The following ASRGL1 variants were observed in gnomAD, a reference collection of about 807,000 sequenced individuals.
ASRGL1 encodes the protein asparaginase and isoaspartyl peptidase 1.
A neutral mutation model predicts 22.4 loss-of-function variants in ASRGL1; 16 were observed. The observed-to-expected ratio is 0.71, with a 90% CI of 0.48 to 1.08. The LOEUF (loss-of-function observed/expected upper bound fraction) is 1.08. ASRGL1 is among the 50% of genes least tolerant of loss of function. The pLI, the probability that ASRGL1 is intolerant of heterozygous loss-of-function variation, is 0.00. For synonymous variants in ASRGL1, 165 were observed against 159.3 expected, an observed-to-expected ratio of 1.04 and a Z score of -0.27; for missense variants, 412 against 410.1, an observed-to-expected ratio of 1.00 and a Z score of -0.04.
At chr11:62,383,625 A>AT (rs1262988889) in intron 4 of ASRGL1, among the ~76,000 whole-genome samples, 2 of 145,232 alleles carry the variant, frequency 1.4e-5, no homozygotes, top group African/African-American at 5.1e-5. Context: ...AAAAAAAAAA[A>AT]AAAGAACATC....
chr11:62,369,036 C>A (rs1018757164), intron 4 of ASRGL1, among the ~76,000 whole-genome samples: 1 of 152,132 alleles, frequency 6.6e-6, no homozygotes, highest in Non-Finnish European at 1.5e-5. Flanking sequence ...AGACCCTTTA[C>A]GGGTGTCAGG....
chr11:62,374,620 C>T (rs1352844972), intron 4 of ASRGL1, among the ~76,000 whole-genome samples: 2 of 151,832 alleles, frequency 1.3e-5, no homozygotes, highest in African/African-American at 4.8e-5. Flanking sequence ...TACTTTTTTC[C>T]CTATTTTCCA....
rs1334457860 is a variant in ASRGL1 at position 62,391,567 on chromosome 11, C to T, written c.656C>T (p.Thr219Ile). ...ADNDIGAVST[T>I]GHGESILKVN... Reference sequence around the variant, plus strand: ...AATGACATCGGAGCCGTCTCAACCACAGGGCATGGGGAAAGCATCCTGAAG... The same window carrying T: ...AATGACATCGGAGCCGTCTCAACCATAGGGCATGGGGAAAGCATCCTGAAG... Residue 219 changes from threonine (T) to isoleucine (I), a missense_variant, in exon 6 of 7, where the codon ACA (threonine) becomes ATA (isoleucine). Thr to Ile is a moderately conservative substitution (Grantham distance 89). Coordinates refer to ENST00000415229, the MANE Select transcript of ASRGL1 (RefSeq NM_001083926.2). 2.5e-6 allele frequency: 4 copies of T among 1,612,612 alleles called. No homozygotes were observed. The highest frequency in any genetic ancestry group is 1.1e-5 in the South Asian group (1 of 90,628).
rs1272193661 is a variant in ASRGL1, at chr11:62,362,796, T to C, written c.491+5652T>C. On this transcript the variant is annotated intron_variant, in intron 4 of 6. Transcript: ENST00000415229. The stretch of plus-strand genomic sequence containing the variant: ...TTTAAATTTTTTTTCTGGGAGTATC[T>C]ACTTGCTTATCTGACATACACACAC... 2.3e-5 allele frequency among the ~76,000 whole-genome samples: 2 copies of C among 86,848 alleles called. 1 individual carries two copies. The highest frequency in any genetic ancestry group is 4.3e-5 in the Non-Finnish European group (2 of 46,356). The allele number at this position is 86,848 out of a possible 152,430, so 57.0% of individuals were successfully genotyped here. A position where few individuals can be genotyped will look rare whatever the true frequency, so the allele number is the denominator to read the frequency against.
At chr11:62,354,379 C>T (rs75914865) in intron 2 of ASRGL1, among the ~76,000 whole-genome samples, 6,153 of 152,180 alleles carry the variant, frequency 0.04, 432 homozygotes, top group African/African-American at 0.14. Flanking sequence ...GGTACTCAAC[C>T]TTATATCGGC....
chr11:62,382,681 AGT>A (rs796338442), intron 4 of ASRGL1: 58 of 151,924 alleles, frequency 3.8e-4, no homozygotes, highest in African/African-American at 1.4e-3. Flanking sequence ...GCTGGGGGAC[AGT>A]GTCGGGCTGG....
intron 6 of ASRGL1, 170 bp downstream of exon 6, chr11:62,391,802 A>G: frequency 1.2e-6 from 1 of 864,572 alleles, no homozygotes; most frequent in Non-Finnish European, 1.7e-6. Flanking sequence ...TAGGTCTGGA[A>G]TGGTAGAGCA....
intron 2 of ASRGL1, among the ~76,000 whole-genome samples, chr11:62,344,931 T>C (rs1206040024): frequency 6.6e-6 from 1 of 152,206 alleles, no homozygotes; most frequent in African/African-American, 2.4e-5. Context: ...GTTCAATTGC[T>C]TTGACTTCTA....
At chr11:62,398,679 G>A in the ASRGL1 span, among the ~76,000 whole-genome samples, 22 of 152,184 alleles carry the variant, frequency 1.4e-4, no homozygotes, top group East Asian at 7.7e-4. Context: ...TCCCGCTAGC[G>A]GCGGCGGCTC....
At chr11:62,349,369 A>G (rs898278629) in intron 2 of ASRGL1, among the ~76,000 whole-genome samples, 2 of 152,290 alleles carry the variant, frequency 1.3e-5, no homozygotes, top group African/African-American at 4.8e-5. Context: ...GCTCTGCCCA[A>G]TAGCCCAGGA....
At chr11:62,353,922 AG>A (rs1565156857) in intron 2 of ASRGL1, among the ~76,000 whole-genome samples, 1 of 152,224 alleles carries the variant, frequency 6.6e-6, no homozygotes, top group Non-Finnish European at 1.5e-5. Context: ...GGCAGAAGAA[AG>A]TAGATGTCTA....
chr11:62,357,015 G>A lies in ASRGL1; in HGVS notation c.362G>A (p.Gly121Asp). The stretch of plus-strand genomic sequence containing the variant: ...CCTCATTGCTTTCTGACTGACCAAG[G>A]CGCAGCGCAGTTTGCAGCAGCTATG... ...KTPHCFLTDQ[G>D]AAQFAAAMGV... Residue 121 changes from glycine (G) to aspartate (D), a missense_variant, in exon 4 of 7, where the codon GGC (glycine) becomes GAC (aspartate). By Grantham distance (94) the Gly-to-Asp change is moderately conservative. Transcript: ENST00000415229. 1 of 1,613,522 alleles carries A rather than the reference G, an allele frequency of 6.2e-7. No individual in the cohort carries two copies. The highest frequency in any genetic ancestry group is 8.5e-7 in the Non-Finnish European group (1 of 1,179,890).
At chr11:62,342,948 G>T (rs974071208) in intron 2 of ASRGL1, among the ~76,000 whole-genome samples, 6 of 152,172 alleles carry the variant, frequency 3.9e-5, no homozygotes, top group Non-Finnish European at 8.8e-5. Flanking sequence ...TAAAGGACAT[G>T]TTCCATTTGG....
chr11:62,379,484 C>T (rs1238243810), intron 4 of ASRGL1, among the ~76,000 whole-genome samples: 2 of 152,176 alleles, frequency 1.3e-5, no homozygotes, highest in East Asian at 3.8e-4. Flanking sequence ...CCTGGACTGG[C>T]ACTGCAAGGA....
intron 4 of ASRGL1, among the ~76,000 whole-genome samples, chr11:62,385,802 T>A (rs931524302): frequency 6.6e-6 from 1 of 152,158 alleles, no homozygotes; most frequent in Non-Finnish European, 1.5e-5. Context: ...AGGTGGAGAT[T>A]GCAGTGAGCC....
intron 2 of ASRGL1, among the ~76,000 whole-genome samples, chr11:62,340,531 A>G (rs1945838596): frequency 2.6e-5 from 4 of 152,062 alleles, no homozygotes; most frequent in Admixed American, 1.3e-4. Context: ...TATTCTAACA[A>G]TTTGTCATCT....
chr11:62,373,548 C>T (rs1283458744), intron 4 of ASRGL1, among the ~76,000 whole-genome samples: 1 of 152,142 alleles, frequency 6.6e-6, no homozygotes, highest in African/African-American at 2.4e-5. Context: ...TAAGTGGATG[C>T]TACATGGAAG....
At chr11:62,399,378 C>T in the ASRGL1 span, among the ~76,000 whole-genome samples, 1 of 152,222 alleles carries the variant, frequency 6.6e-6, no homozygotes, top group African/African-American at 2.4e-5. Context: ...AACAGGCAGC[C>T]AGTTCGTGTG....
At chr11:62,391,030 C>A (rs1041058789) in intron 5 of ASRGL1, among the ~76,000 whole-genome samples, 2 of 152,234 alleles carry the variant, frequency 1.3e-5, no homozygotes, top group Admixed American at 6.5e-5. Context: ...ATAGTTCCCT[C>A]AGGTCCAATT....
Sources: allele counts gnomAD v4.1 joint callset (sites outside exome capture counted in the v4.1 genomes callset), GRCh38; gene constraint gnomAD v4.1.1; transcripts MANE v1.5; gene names NCBI Gene and HGNC (gene_info 2026-07-23, HGNC 2026-07-21).